HS3ST4: variants seen among roughly 807,000 people sequenced by gnomAD.
The protein encoded by HS3ST4 is heparan sulfate-glucosamine 3-sulfotransferase 4.
In HS3ST4, 17 loss-of-function variants were observed where a neutral mutation model predicts 29.2. That is an observed-to-expected ratio of 0.58 (90% confidence interval 0.40 to 0.87). The LOEUF (loss-of-function observed/expected upper bound fraction) is 0.87. Ranked by LOEUF, HS3ST4 falls within the 40% of genes least tolerant of loss-of-function variation. The pLI, the probability that HS3ST4 is intolerant of heterozygous loss-of-function variation, is 0.00. For missense variants in HS3ST4, 627 were observed against 634.5 expected (o/e 0.99, Z 0.13); for synonymous variants, 314 against 285.7 (o/e 1.10, Z -1.00).
At chr16:25,798,311 A>G (rs1270557738) in intron 1 of HS3ST4, among the ~76,000 whole-genome samples, 1 of 152,210 alleles carries the variant, frequency 6.6e-6, no homozygotes, top group Non-Finnish European at 1.5e-5. Flanking sequence ...AATCAGCCCC[A>G]AATCTCTGGC....
At chr16:25,694,974 C>A (rs1966283643) in intron 1 of HS3ST4, among the ~76,000 whole-genome samples, 1 of 152,134 alleles carries the variant, frequency 6.6e-6, no homozygotes, top group South Asian at 2.1e-4. Context: ...AGTCTTATCA[C>A]TGGGTCTGGA....
chr16:26,045,716 G>A (rs1364338383), intron 1 of HS3ST4, among the ~76,000 whole-genome samples: 4 of 152,112 alleles, frequency 2.6e-5, no homozygotes, highest in African/African-American at 4.8e-5. Flanking sequence ...TATTGTTCAC[G>A]AATTTTCCAT....
intron 1 of HS3ST4, among the ~76,000 whole-genome samples, chr16:25,885,485 C>A (rs1414263653): frequency 2.6e-5 from 4 of 152,106 alleles, no homozygotes; most frequent in Non-Finnish European, 5.9e-5. Flanking sequence ...TTATTTGGGG[C>A]ACTCCCCACC....
chr16:26,065,439 G>A (rs973531283), intron 1 of HS3ST4, among the ~76,000 whole-genome samples: 6 of 152,110 alleles, frequency 3.9e-5, no homozygotes, highest in Admixed American at 6.6e-5. Flanking sequence ...ACATGGACAC[G>A]CAGAGGGGAA....
At chr16:26,131,638 A>G (rs1899420836) in intron 1 of HS3ST4, among the ~76,000 whole-genome samples, 2 of 152,226 alleles carry the variant, frequency 1.3e-5, no homozygotes, top group African/African-American at 4.8e-5. Context: ...CCAGGTTAGC[A>G]GGGGGTTTTG....
At position 26,128,953 on chromosome 16, in the gene HS3ST4, C is replaced by A. The variant is rs1407844075; in HGVS notation, c.735-6659C>A. 2.6e-5 allele frequency among the ~76,000 whole-genome samples: 4 copies of A among 152,274 alleles called. No homozygotes were observed. In the South Asian group the frequency reaches 8.3e-4, roughly 32 times the overall value. ...TCAGAAAATATTGCTAATTTATGCACCATTTGTTCCACTGGATAACACATT... is the reference window on the plus strand; with the variant it reads ...TCAGAAAATATTGCTAATTTATGCAACATTTGTTCCACTGGATAACACATT... On this transcript the variant is annotated intron_variant, in intron 1 of 1. Coordinates refer to ENST00000331351, the MANE Select transcript of HS3ST4 (RefSeq NM_006040.3).
intron 1 of HS3ST4, among the ~76,000 whole-genome samples, chr16:26,092,328 CA>C (rs1898867506): frequency 1.3e-5 from 2 of 152,188 alleles, no homozygotes; most frequent in South Asian, 4.2e-4. Flanking sequence ...TGAACTTGAC[CA>C]AAGAGAAACA....
intron 1 of HS3ST4, among the ~76,000 whole-genome samples, chr16:25,997,692 A>T (rs920866032): frequency 6.6e-6 from 1 of 152,180 alleles, no homozygotes; most frequent in Non-Finnish European, 1.5e-5. Context: ...TTTGGTGATC[A>T]TGAACCTAAA....
intron 1 of HS3ST4, among the ~76,000 whole-genome samples, chr16:25,717,149 A>G (rs1216176766): frequency 6.6e-6 from 1 of 152,156 alleles, no homozygotes; most frequent in Non-Finnish European, 1.5e-5. Flanking sequence ...GGCTGACCTT[A>G]GATTTGGCTC....
At chr16:25,746,892 G>C (rs544845240) in intron 1 of HS3ST4, among the ~76,000 whole-genome samples, 1 of 151,604 alleles carries the variant, frequency 6.6e-6, no homozygotes, top group African/African-American at 2.4e-5. Context: ...TCCATCACCC[G>C]TGCTGAAATG....
At chr16:25,914,827 GA>G (rs1968276731) in intron 1 of HS3ST4, among the ~76,000 whole-genome samples, 1 of 151,938 alleles carries the variant, frequency 6.6e-6, no homozygotes, top group Admixed American at 6.6e-5. Context: ...GGGAGCCCTG[GA>G]GGCTCATGAA....
At position 25,870,612 on chromosome 16, in the gene HS3ST4, T is replaced by C. The variant is rs1283360800; in HGVS notation, c.734+177461T>C. ...AGGGTGTCAGGTGGGAGCATGTCTTTTGGACCATTGTGAGACTTTTTAGTC... is the reference window on the plus strand; with the variant it reads ...AGGGTGTCAGGTGGGAGCATGTCTTCTGGACCATTGTGAGACTTTTTAGTC... On this transcript the variant is annotated intron_variant, in intron 1 of 1. Coordinates refer to ENST00000331351, the MANE Select transcript of HS3ST4 (RefSeq NM_006040.3). Among the ~76,000 whole-genome samples the C allele has an allele frequency of 2.7e-5, 4 of 148,884 alleles. No homozygotes were observed. In the East Asian group the frequency reaches 5.8e-4, roughly 21 times the overall value.
chr16:25,761,995 A>G (rs558819356), intron 1 of HS3ST4, among the ~76,000 whole-genome samples: 1 of 152,290 alleles, frequency 6.6e-6, no homozygotes, highest in African/African-American at 2.4e-5. Flanking sequence ...CACCCCACTC[A>G]GAGCAAAGAT....
chr16:25,920,891 T>G (rs1968344744), intron 1 of HS3ST4, among the ~76,000 whole-genome samples: 2 of 152,122 alleles, frequency 1.3e-5, no homozygotes, highest in African/African-American at 2.4e-5. Flanking sequence ...ATGCTGGGAT[T>G]ACAGGTGTGA....
Position 25,770,873 on chromosome 16 carries a change from A to G in HS3ST4, c.734+77722A>G, listed in dbSNP as rs185772394. ...AACGGTGAATGTCTATTCAGTGCTT[A>G]TGACGTGTTGGGAACTGCGCTAAGT... On this transcript the variant is annotated intron_variant, in intron 1 of 1. Transcript: ENST00000331351. 9.4e-4 allele frequency among the ~76,000 whole-genome samples: 143 copies of G among 152,272 alleles called. 1 individual carries two copies. The highest frequency in any genetic ancestry group is 3.2e-3 in the African/African-American group (135 of 41,548).
At chr16:26,020,095 T>C (rs961736462) in intron 1 of HS3ST4, among the ~76,000 whole-genome samples, 1 of 152,190 alleles carries the variant, frequency 6.6e-6, no homozygotes, top group African/African-American at 2.4e-5. Flanking sequence ...CTGTCTTGCC[T>C]TCCAAAGGAT....
chr16:26,021,630 A>C (rs1201787454), intron 1 of HS3ST4, among the ~76,000 whole-genome samples: 1 of 152,028 alleles, frequency 6.6e-6, no homozygotes, highest in Non-Finnish European at 1.5e-5. Flanking sequence ...ATACAAACAC[A>C]ACCTCTAAGC....
chr16:25,745,283 C>G (rs955830605), intron 1 of HS3ST4, among the ~76,000 whole-genome samples: 1 of 152,142 alleles, frequency 6.6e-6, no homozygotes, highest in African/African-American at 2.4e-5. Flanking sequence ...ATATTTTGAA[C>G]AAGATCAAGG....
chr16:26,076,643 C>G (rs1898667732), intron 1 of HS3ST4, among the ~76,000 whole-genome samples: 1 of 152,162 alleles, frequency 6.6e-6, no homozygotes, highest in African/African-American at 2.4e-5. Flanking sequence ...GTTTCTTCAT[C>G]TCTGAACTGG....
Sources: gnomAD v4.1 joint callset for allele counts (sites outside exome capture counted in the v4.1 genomes callset) on GRCh38, gnomAD v4.1.1 for gene constraint, MANE v1.5 for transcripts, NCBI Gene and HGNC (gene_info 2026-07-23, HGNC 2026-07-21) for gene names.